ASTN2: variants seen among roughly 807,000 people sequenced by gnomAD.
The protein encoded by ASTN2 is astrotactin 2.
Under a neutral mutation model 139.8 loss-of-function variants are expected in ASTN2, and 54 were observed. The ratio of observed to expected loss-of-function variants is 0.39; its 90% CI spans 0.31 to 0.48. The LOEUF (loss-of-function observed/expected upper bound fraction) is 0.48. ASTN2 is among the 20% of genes least tolerant of loss of function. The pLI is 0.95. For synonymous variants in ASTN2, 756 were observed against 719.5 expected, an observed-to-expected ratio of 1.05 and a Z score of -0.81; for missense variants, 1,565 against 1,725.1, an observed-to-expected ratio of 0.91 and a Z score of 1.64.
chr9:117,311,257 G>T (rs957823068), intron 1 of ASTN2, among the ~76,000 whole-genome samples: 1 of 148,592 alleles, frequency 6.7e-6, no homozygotes, highest in Non-Finnish European at 1.5e-5. Flanking sequence ...GCTACTTTAC[G>T]AGAAGACATG....
chr9:117,024,762 G>A (rs1436685755), intron 6 of ASTN2, among the ~76,000 whole-genome samples: 1 of 152,018 alleles, frequency 6.6e-6, no homozygotes, highest in East Asian at 1.9e-4. Context: ...GGAGTAGAGG[G>A]GTGCTATGCT....
intron 17 of ASTN2, among the ~76,000 whole-genome samples, chr9:116,627,879 G>T (rs980077271): frequency 5.3e-5 from 8 of 152,272 alleles, no homozygotes; most frequent in African/African-American, 1.9e-4. Context: ...AGGTACTTTA[G>T]ACATATTAAC....
intron 2 of ASTN2, among the ~76,000 whole-genome samples, chr9:117,271,122 C>T (rs1834053856): frequency 6.6e-6 from 1 of 152,178 alleles, no homozygotes; most frequent in African/African-American, 2.4e-5. Context: ...GATAAAGACA[C>T]ACCAGAGACT....
At chr9:117,287,671 A>C (rs1303355718) in intron 2 of ASTN2, among the ~76,000 whole-genome samples, 1 of 152,214 alleles carries the variant, frequency 6.6e-6, no homozygotes, top group Non-Finnish European at 1.5e-5. Context: ...AAATACTCAA[A>C]ATAAATGTCA....
At chr9:116,772,187 C>A (rs1829969778) in intron 13 of ASTN2, among the ~76,000 whole-genome samples, 1 of 152,182 alleles carries the variant, frequency 6.6e-6, no homozygotes, top group Non-Finnish European at 1.5e-5. Flanking sequence ...GTGTCCCCAC[C>A]CAAATCTCAT....
intron 13 of ASTN2, among the ~76,000 whole-genome samples, chr9:116,779,588 G>C (rs185722932): frequency 6.6e-6 from 1 of 151,600 alleles, no homozygotes; most frequent in African/African-American, 2.4e-5. Flanking sequence ...GAGTTCCCCC[G>C]ACAGGGCCTA....
intron 10 of ASTN2, among the ~76,000 whole-genome samples, chr9:116,958,455 G>A (rs770058010): frequency 2.6e-5 from 4 of 152,110 alleles, no homozygotes; most frequent in African/African-American, 7.2e-5. Flanking sequence ...CGGGCGTGGC[G>A]GCGGGTGCCT....
At chr9:116,575,762 G>A (rs529464624) in intron 19 of ASTN2, among the ~76,000 whole-genome samples, 2 of 152,270 alleles carry the variant, frequency 1.3e-5, no homozygotes, top group South Asian at 4.2e-4. Flanking sequence ...TTGACTGTGT[G>A]CCTCTCCCTG....
At chr9:117,246,852 A>G (rs1020492861) in intron 2 of ASTN2, among the ~76,000 whole-genome samples, 1 of 152,170 alleles carries the variant, frequency 6.6e-6, no homozygotes, top group African/African-American at 2.4e-5. Context: ...AGTAATCACC[A>G]AAGGACAGGG....
chr9:117,263,070 T>C (rs1833862306), intron 2 of ASTN2, among the ~76,000 whole-genome samples: 2 of 152,230 alleles, frequency 1.3e-5, no homozygotes, highest in South Asian at 4.1e-4. Context: ...TAAATCTGTG[T>C]TGTTTCAAGC....
At chr9:116,594,014 T>C (rs1854473085) in intron 19 of ASTN2, among the ~76,000 whole-genome samples, 1 of 152,216 alleles carries the variant, frequency 6.6e-6, no homozygotes, top group African/African-American at 2.4e-5. Context: ...ATGCCAGGTA[T>C]ATCTTTGCAC....
At chr9:117,117,369 A>G (rs1179071388) in intron 4 of ASTN2, among the ~76,000 whole-genome samples, 4 of 99,640 alleles carry the variant, frequency 4.0e-5, no homozygotes, top group Admixed American at 2.2e-4. Context: ...CAAAGTGGAG[A>G]AAAAAAAAAA....
intron 10 of ASTN2, among the ~76,000 whole-genome samples, chr9:116,927,865 G>A (rs1285173221): frequency 6.6e-6 from 1 of 152,196 alleles, no homozygotes; most frequent in Admixed American, 6.5e-5. Flanking sequence ...CCCTGTTGCT[G>A]CATAAAACTG....
At chr9:116,487,611 A>G (rs917854419) in intron 19 of ASTN2, 111 bp from the exon 20 acceptor site, 1 of 1,103,716 alleles carries the variant, frequency 9.1e-7, no homozygotes, top group Non-Finnish European at 1.2e-6. Flanking sequence ...AAGAAAAATA[A>G]TGGATAGAAA....
chr9:116,809,457 GC>G (rs1831109344), intron 12 of ASTN2, among the ~76,000 whole-genome samples: 1 of 152,018 alleles, frequency 6.6e-6, no homozygotes, highest in Non-Finnish European at 1.5e-5. Context: ...GTAATTCCAA[GC>G]TGTTTTAATT....
rs1045929997 is a variant in ASTN2 at position 117,273,972 on chromosome 9, G to C, written c.630+17354C>G. 3.3e-5 allele frequency among the ~76,000 whole-genome samples: 5 copies of C among 152,188 alleles called. No individual in the cohort carries two copies. In the East Asian group the frequency reaches 9.6e-4, roughly 29 times the overall value. The stretch of plus-strand genomic sequence containing the variant: ...TATCTTCACCTTCTGAGGAGTAGAA[G>C]ATAGTCCCCTGGGTGACTCTGAGAC... On this transcript the variant is annotated intron_variant, in intron 2 of 22. Coordinates refer to ENST00000313400, the MANE Select transcript of ASTN2 (RefSeq NM_001365068.1).
At chr9:116,668,263 G>A (rs1192163964) in intron 16 of ASTN2, among the ~76,000 whole-genome samples, 1 of 150,936 alleles carries the variant, frequency 6.6e-6, no homozygotes, top group Non-Finnish European at 1.5e-5. Flanking sequence ...ACAATCTTGG[G>A]TCACCGCAAC....
intron 10 of ASTN2, among the ~76,000 whole-genome samples, chr9:116,908,072 A>C (rs952951613): frequency 1.3e-5 from 2 of 152,164 alleles, no homozygotes; most frequent in Non-Finnish European, 2.9e-5. Flanking sequence ...CTGAAGCATA[A>C]AGGCTTGCAG....
At chr9:116,940,749 C>G (rs1301711946) in intron 10 of ASTN2, among the ~76,000 whole-genome samples, 1 of 151,586 alleles carries the variant, frequency 6.6e-6, no homozygotes, top group Non-Finnish European at 1.5e-5. Context: ...TTATAAAGTC[C>G]CCAGTAGTAT....
Sources: gnomAD v4.1 joint callset for allele counts (sites outside exome capture counted in the v4.1 genomes callset) on GRCh38, gnomAD v4.1.1 for gene constraint, MANE v1.5 for transcripts, NCBI Gene and HGNC (gene_info 2026-07-23, HGNC 2026-07-21) for gene names.